The following SRGAP3 variants were observed in gnomAD, a reference collection of about 807,000 sequenced individuals.
SRGAP3 encodes SLIT-ROBO Rho GTPase activating protein 3.
SRGAP3 carries 39 observed loss-of-function variants against 121.1 expected under a neutral mutation model. That is an observed-to-expected ratio of 0.32 (90% CI 0.25 to 0.42). The LOEUF is 0.42. SRGAP3 is among the 10% of genes least tolerant of loss of function. SRGAP3 has a pLI of 1.00. For missense variants in SRGAP3, 1,213 were observed against 1,470.6 expected (o/e 0.82, Z 2.86); for synonymous variants, 601 against 570.0 (o/e 1.05, Z -0.77).
At chr3:9,303,305 G>A (rs891187825) in intron 3 of SRGAP3, among the ~76,000 whole-genome samples, 14 of 151,820 alleles carry the variant, frequency 9.2e-5, no homozygotes, top group African/African-American at 3.4e-4. Flanking sequence ...CATGCCTGTA[G>A]TCCCAGCTAC....
intron 3 of SRGAP3, among the ~76,000 whole-genome samples, chr3:9,280,514 C>T (rs138888242): frequency 5.9e-5 from 9 of 152,332 alleles, no homozygotes; most frequent in East Asian, 5.8e-4. Flanking sequence ...TGTGTTGCTC[C>T]GTCATAAATA....
intron 1 of SRGAP3, among the ~76,000 whole-genome samples, chr3:9,135,522 G>T (rs1949612635): frequency 6.6e-6 from 1 of 152,230 alleles, no homozygotes; most frequent in African/African-American, 2.4e-5. Flanking sequence ...GATAGACCCA[G>T]CAGAGCCTGG....
chr3:9,010,262 G>C (rs1382469652), intron 18 of SRGAP3, 46 bp downstream of exon 18: 1 of 1,609,320 alleles, frequency 6.2e-7, no homozygotes, highest in Non-Finnish European at 8.5e-7. Flanking sequence ...GTCAGTGTGA[G>C]AGGCCCCAGG....
chr3:9,296,794 C>A (rs1954960833), intron 3 of SRGAP3, among the ~76,000 whole-genome samples: 1 of 152,252 alleles, frequency 6.6e-6, no homozygotes. Flanking sequence ...TAGCACACAG[C>A]ACACATCCCT....
At chr3:9,089,752 T>A (rs1469868955) in intron 3 of SRGAP3, among the ~76,000 whole-genome samples, 7 of 152,206 alleles carry the variant, frequency 4.6e-5, no homozygotes, top group Non-Finnish European at 1.0e-4. Context: ...GGCTCCTGTT[T>A]GCCTGGCCAC....
At chr3:9,019,033 C>T (rs941981916) in intron 14 of SRGAP3, among the ~76,000 whole-genome samples, 2 of 152,174 alleles carry the variant, frequency 1.3e-5, no homozygotes, top group East Asian at 3.8e-4. Flanking sequence ...TCACAGAGAT[C>T]TTCCTCTATT....
chr3:9,317,006 T>C lies in SRGAP3; in HGVS notation n.442+9004A>G, dbSNP rs1342624815. 1.9e-4 allele frequency among the ~76,000 whole-genome samples: 29 copies of C among 152,168 alleles called. 1 individual carries two copies. Among genetic ancestry groups the C allele is most frequent in the Admixed American group, 1.9e-3 (29 of 15,286 alleles). On this transcript the variant is annotated intron_variant and non_coding_transcript_variant, in intron 3 of 3. Coordinates refer to the SRGAP3 transcript ENST00000490889. ...AATTCTGTAGGCCACCGTGTACTTC[T>C]TCCTTTCTCCTGCCAAATCAAGGCT... is the stretch of plus-strand genomic sequence containing the variant.
chr3:9,326,256 A>T (rs1007921591), intron 2 of SRGAP3: 1 of 151,922 alleles, frequency 6.6e-6, no homozygotes, highest in Non-Finnish European at 1.5e-5. Context: ...ATCTACTGTT[A>T]TAACAACAGC....
rs568926074 is a variant in SRGAP3, at chr3:9,271,103, G to A, written n.442+54907C>T. Among the ~76,000 whole-genome samples the A allele has an allele frequency of 5.9e-5, 9 of 152,296 alleles. No individual in the cohort carries two copies. The East Asian group carries it at 1.7e-3, about 29-fold the overall frequency. On this transcript the variant is annotated intron_variant and non_coding_transcript_variant, in intron 3 of 3. Coordinates refer to the SRGAP3 transcript ENST00000490889. ...AATCCCAACACTTTGGGAGGCCAAGGCGGGCAGATCACTTGAGGCCAGGAG... is the reference window on the plus strand; with the variant it reads ...AATCCCAACACTTTGGGAGGCCAAGACGGGCAGATCACTTGAGGCCAGGAG...
intron 10 of SRGAP3, among the ~76,000 whole-genome samples, chr3:9,038,585 G>A (rs1475829561): frequency 2.0e-5 from 3 of 152,230 alleles, no homozygotes; most frequent in African/African-American, 4.8e-5. Context: ...GATACCAGCC[G>A]TAAGGCTGGT....
At position 9,142,447 on chromosome 3, in the gene SRGAP3, C is replaced by T. The variant is rs574579390; in HGVS notation, c.68-17530G>A. 2.6e-5 allele frequency among the ~76,000 whole-genome samples: 4 copies of T among 152,362 alleles called. No individual in the cohort carries two copies. In the East Asian group the frequency reaches 5.8e-4, roughly 22 times the overall value. On this transcript the variant is annotated intron_variant, in intron 1 of 21. Transcript: ENST00000383836. ...AGTCAGGCTGGAATCCAATCATTCA[C>T]ACTTCGGCTCAGAGTGAGCACTTAC...
At chr3:9,067,229 C>T (rs1946472426) in intron 4 of SRGAP3, among the ~76,000 whole-genome samples, 1 of 144,742 alleles carries the variant, frequency 6.9e-6, no homozygotes, top group Non-Finnish European at 1.5e-5. Context: ...TGCTTACAAG[C>T]TCTGGAGAAC....
chr3:9,133,550 C>A (rs1217687634), intron 1 of SRGAP3, among the ~76,000 whole-genome samples: 2 of 152,186 alleles, frequency 1.3e-5, no homozygotes, highest in Non-Finnish European at 2.9e-5. Flanking sequence ...TTCCTCATTC[C>A]TTTTACAGCA....
intron 18 of SRGAP3, among the ~76,000 whole-genome samples, chr3:9,004,042 G>T (rs1942924268): frequency 6.6e-6 from 1 of 152,102 alleles, no homozygotes; most frequent in African/African-American, 2.4e-5. Flanking sequence ...GTTCAGCAAG[G>T]TTGCAGGATA....
At chr3:9,204,651 CTTT>C (rs34957395) in intron 1 of SRGAP3, among the ~76,000 whole-genome samples, 1 of 150,238 alleles carries the variant, frequency 6.7e-6, no homozygotes, top group African/African-American at 2.4e-5. Context: ...TCCCTAAGGT[CTTT>C]TTTTTTTTTA....
intron 1 of SRGAP3, among the ~76,000 whole-genome samples, chr3:9,138,386 G>T (rs1353028253): frequency 6.6e-6 from 1 of 152,160 alleles, no homozygotes; most frequent in African/African-American, 2.4e-5. Context: ...TGTAGTCTGA[G>T]ACCTGATTTT....
At chr3:9,029,749 G>A (rs1944384331) in intron 12 of SRGAP3, among the ~76,000 whole-genome samples, 1 of 152,158 alleles carries the variant, frequency 6.6e-6, no homozygotes, top group South Asian at 2.1e-4. Flanking sequence ...GTAAAACTGT[G>A]CTGTAAAACA....
intron 3 of SRGAP3, among the ~76,000 whole-genome samples, chr3:9,262,470 G>A (rs1393848615): frequency 3.0e-5 from 4 of 132,992 alleles, no homozygotes; most frequent in Non-Finnish European, 6.3e-5. Context: ...CCCATCTCAC[G>A]TGCAAAGACA....
rs756960673 is a variant in SRGAP3 at position 8,984,043 on chromosome 3, G to A, written c.*1476C>T. 4.3e-6 allele frequency: 1 copy of A among 231,742 alleles called. No individual in the cohort carries two copies. The highest frequency in any genetic ancestry group is 8.5e-6 in the Non-Finnish European group (1 of 117,178). The allele number at this position is 231,742 out of a possible 1,614,324, so 14.4% of individuals were successfully genotyped here. A position where few individuals can be genotyped will look rare whatever the true frequency, so the allele number is the denominator to read the frequency against. ...TCATCTCTGGAAGTGATCAGAAGAG[G>A]AGGTAAAATGGAATCGAAGGAGAGC... On this transcript the variant is annotated 3_prime_UTR_variant, in exon 22 of 22. Transcript: ENST00000383836.
Sources: gnomAD v4.1 joint callset for allele counts (sites outside exome capture counted in the v4.1 genomes callset) on GRCh38, gnomAD v4.1.1 for gene constraint, MANE v1.5 for transcripts, NCBI Gene and HGNC (gene_info 2026-07-23, HGNC 2026-07-21) for gene names.